SFXN5: variants seen among roughly 807,000 people sequenced by gnomAD.
SFXN5 encodes sideroflexin-5.
SFXN5 carries 43 observed loss-of-function variants against 50.2 expected under a neutral mutation model. The observed-to-expected ratio is 0.86, with a 90% CI of 0.67 to 1.11. The LOEUF is 1.11. Among genes scored for constraint, SFXN5 ranks in the 50% least tolerant of loss-of-function variants. SFXN5 has a pLI of 0.00. For synonymous variants in SFXN5, 203 were observed against 185.8 expected (o/e 1.09, Z -0.75); for missense variants, 463 against 454.1 (o/e 1.02, Z -0.18).
chr2:73,043,546 C>G (rs1679919775), intron 2 of SFXN5, among the ~76,000 whole-genome samples: 1 of 152,136 alleles, frequency 6.6e-6, no homozygotes, highest in Non-Finnish European at 1.5e-5. Flanking sequence ...AGTCAGGGGG[C>G]CAGGAACACT....
chr2:73,001,476 C>A, intron 7 of SFXN5, 49 bp downstream of exon 7: 2 of 1,602,136 alleles, frequency 1.2e-6, no homozygotes, highest in Non-Finnish European at 1.7e-6. Flanking sequence ...TTAACCAGCA[C>A]CTGTGTGGGC....
intron 2 of SFXN5, among the ~76,000 whole-genome samples, chr2:73,057,638 G>A (rs756070077): frequency 6.6e-6 from 1 of 152,198 alleles, no homozygotes; most frequent in South Asian, 2.1e-4. Context: ...TTCACATCTT[G>A]ATTGCCCATA....
chr2:73,015,353 T>C (rs1015854087), intron 6 of SFXN5, among the ~76,000 whole-genome samples: 4 of 152,246 alleles, frequency 2.6e-5, no homozygotes, highest in South Asian at 2.1e-4. Context: ...GCTATTATTT[T>C]ATTTCATAAT....
chr2:73,055,119 G>C (rs1465896481), intron 2 of SFXN5, among the ~76,000 whole-genome samples: 1 of 152,260 alleles, frequency 6.6e-6, no homozygotes, highest in East Asian at 1.9e-4. Context: ...CTCTCCCAGA[G>C]CTGGTCAACT....
intron 12 of SFXN5, among the ~76,000 whole-genome samples, chr2:72,962,818 G>A (rs1008614095): frequency 3.3e-5 from 5 of 152,154 alleles, no homozygotes; most frequent in African/African-American, 4.8e-5. Flanking sequence ...GGCCCAGACC[G>A]CAAGGTTTGT....
Position 73,040,888 on chromosome 2 carries a change from T to C in SFXN5, c.215A>G (p.His72Arg). 1 of 1,613,228 alleles carries C rather than the reference T, an allele frequency of 6.2e-7. No individual in the cohort carries two copies. Among genetic ancestry groups the C allele is most frequent in the Non-Finnish European group, 8.5e-7 (1 of 1,179,722 alleles). The stretch of plus-strand genomic sequence containing the variant: ...GGTGACCCCCGGGCGCAGGGTCCCA[T>C]GCTTATAGTCCTCCAGCAGCTGCAC... ...EAVQLLEDYK[H>R]GTLRPGVTNE... The change falls in exon 3 of 14, where the codon CAT becomes CGT. Residue 72 changes from histidine to arginine, a missense_variant. Physicochemically the swap from His to Arg is conservative, Grantham distance 29. Coordinates refer to ENST00000272433, the MANE Select transcript of SFXN5 (RefSeq NM_144579.3).
intron 12 of SFXN5, among the ~76,000 whole-genome samples, chr2:72,962,471 C>A (rs1237284513): frequency 6.6e-6 from 1 of 152,230 alleles, no homozygotes; most frequent in African/African-American, 2.4e-5. Flanking sequence ...CTGGACTGGG[C>A]AACTGGTTAA....
At position 72,945,626 on chromosome 2, in the gene SFXN5, C is replaced by T. The variant is rs115862667; in HGVS notation, c.946-527G>A. The stretch of plus-strand genomic sequence containing the variant: ...CCACACTCCGACCACTCAGTCTTTA[C>T]ATCTTCCCCTGCAGTCCCGATTCCA... On this transcript the variant is annotated intron_variant, in intron 13 of 13. Transcript: ENST00000272433. This position sits in a 1 kb window ranked among gnomAD's most constrained non-coding sequence, Gnocchi z 5.8. Among the ~76,000 whole-genome samples, 518 of 152,268 alleles carry T rather than the reference C, an allele frequency of 3.4e-3. 3 individuals carry two copies. Among genetic ancestry groups the T allele is most frequent in the African/African-American group, 0.012 (485 of 41,546 alleles).
intron 6 of SFXN5, among the ~76,000 whole-genome samples, chr2:73,004,537 A>G (rs1481563580): frequency 1.3e-5 from 2 of 152,170 alleles, no homozygotes; most frequent in Non-Finnish European, 1.5e-5. Flanking sequence ...CTATCTAACG[A>G]AGGCGGAGGT....
At chr2:73,010,902 T>C (rs896999675) in intron 6 of SFXN5, among the ~76,000 whole-genome samples, 5 of 152,074 alleles carry the variant, frequency 3.3e-5, no homozygotes, top group Non-Finnish European at 7.4e-5. Flanking sequence ...AGAGGCAAAT[T>C]CACAGCACTA....
chr2:72,988,422 C>G, intron 9 of SFXN5, 74 bp from the exon 10 acceptor site: 1 of 1,299,668 alleles, frequency 7.7e-7, no homozygotes. Flanking sequence ...GGGGGCAGAA[C>G]TGGAGGAACA....
rs1003807199 is a variant in SFXN5, at chr2:72,973,466, C to T, written c.626-1781G>A. ...GCCAGAGGTGCTGCTAAACATCTCG[C>T]AAGGCACAGGACAGTCCCCCCACCA... On this transcript the variant is annotated intron_variant, in intron 10 of 13. Coordinates refer to ENST00000272433, the MANE Select transcript of SFXN5 (RefSeq NM_144579.3). This position sits in a 1 kb window ranked among gnomAD's most constrained non-coding sequence, Gnocchi z 5.5. 1.2e-5 allele frequency: 2 copies of T among 169,282 alleles called. No individual in the cohort carries two copies. The highest frequency in any genetic ancestry group is 4.8e-5 in the African/African-American group (2 of 41,538). The allele number at this position is 169,282 out of a possible 1,614,324, so 10.5% of individuals were successfully genotyped here.
chr2:73,056,698 A>T (rs1682178662), intron 2 of SFXN5, among the ~76,000 whole-genome samples: 1 of 152,060 alleles, frequency 6.6e-6, no homozygotes, highest in African/African-American at 2.4e-5. Context: ...AAAAAAAAAA[A>T]AACACAAAAA....
At position 72,960,125 on chromosome 2, in the gene SFXN5, C is replaced by T. The variant is rs142992398; in HGVS notation, c.945+1006G>A. On this transcript the variant is annotated intron_variant, in intron 13 of 13. Coordinates refer to ENST00000272433, the MANE Select transcript of SFXN5 (RefSeq NM_144579.3). The surrounding 1 kb of genome is among the most constrained non-coding windows in gnomAD (Gnocchi z 6.1). ...AGGCCTCACCCACCACCCTCGATTC[C>T]AGCACTGTTGTCATGCTGGTAGGCT... 1.8e-4 allele frequency among the ~76,000 whole-genome samples: 28 copies of T among 152,154 alleles called. No individual in the cohort carries two copies. In the East Asian group the frequency reaches 5.4e-3, roughly 30 times the overall value.
intron 6 of SFXN5, among the ~76,000 whole-genome samples, chr2:73,002,195 CAT>C (rs1317542499): frequency 6.6e-6 from 1 of 152,152 alleles, no homozygotes; most frequent in Non-Finnish European, 1.5e-5. Context: ...CTGAATGAAA[CAT>C]AGATTTCTAA....
rs567189417 is a variant in SFXN5 at position 73,066,214 on chromosome 2, T to C, written c.102+5390A>G. 3.9e-5 allele frequency among the ~76,000 whole-genome samples: 6 copies of C among 151,934 alleles called. No homozygotes were observed. In the East Asian group the frequency reaches 7.8e-4, roughly 20 times the overall value. On this transcript the variant is annotated intron_variant, in intron 1 of 13. Coordinates refer to ENST00000272433, the MANE Select transcript of SFXN5 (RefSeq NM_144579.3). ...GGGGAATTCTACAGGGACGAACAACTGCTTCTTCAATAGGAAGGGAAAAAA... is the reference window on the plus strand; with the variant it reads ...GGGGAATTCTACAGGGACGAACAACCGCTTCTTCAATAGGAAGGGAAAAAA...
chr2:73,027,730 GCTCACTACAGC>G (rs1397121504), intron 3 of SFXN5, among the ~76,000 whole-genome samples: 1 of 151,958 alleles, frequency 6.6e-6, no homozygotes, highest in African/African-American at 2.4e-5. Flanking sequence ...TATCATCACA[GCTCACTACAGC>G]CTCCACCTCT....
intron 9 of SFXN5, among the ~76,000 whole-genome samples, chr2:72,993,059 C>T (rs1298981124): frequency 4.6e-5 from 7 of 152,170 alleles, no homozygotes; most frequent in Non-Finnish European, 7.3e-5. Context: ...GGTACTCAGA[C>T]GACAGTCTAC....
At chr2:73,014,333 T>TC (rs1473293066) in intron 6 of SFXN5, among the ~76,000 whole-genome samples, 4 of 152,210 alleles carry the variant, frequency 2.6e-5, no homozygotes, top group Admixed American at 2.6e-4. Flanking sequence ...TTGTCCTTTT[T>TC]CTCCACTGAT....
Sources: allele counts gnomAD v4.1 joint callset (sites outside exome capture counted in the v4.1 genomes callset), GRCh38; gene constraint gnomAD v4.1.1; non-coding constraint Gnocchi (gnomAD v3.1); transcripts MANE v1.5; gene names NCBI Gene and HGNC (gene_info 2026-07-23, HGNC 2026-07-21).